The following MTUS1 variants were observed in gnomAD, a reference collection of about 807,000 sequenced individuals.
The protein encoded by MTUS1 is microtubule-associated tumor suppressor 1.
Under a neutral mutation model 120.8 loss-of-function variants are expected in MTUS1, and 109 were observed. That is an observed-to-expected ratio of 0.90 (90% CI 0.77 to 1.06). The LOEUF (loss-of-function observed/expected upper bound fraction) is 1.06. Ranked by LOEUF, MTUS1 falls within the 50% of genes least tolerant of loss-of-function variation. MTUS1 has a pLI of 0.00. For missense variants in MTUS1, 2,210 were observed against 1,486.3 expected (o/e 1.49, Z -8.01); for synonymous variants, 737 against 550.5 (o/e 1.34, Z -4.74).
intron 1 of MTUS1, among the ~76,000 whole-genome samples, chr8:17,789,495 G>C (rs928898195): frequency 6.6e-6 from 1 of 152,094 alleles, no homozygotes; most frequent in African/African-American, 2.4e-5. Context: ...ACATTTCCTT[G>C]TTTAGAAACT....
chr8:17,669,862 A>G (rs1477580462), intron 8 of MTUS1, among the ~76,000 whole-genome samples: 1 of 149,744 alleles, frequency 6.7e-6, no homozygotes, highest in East Asian at 2.0e-4. Context: ...CAAAAAAAAC[A>G]AAATGTCCAG....
chr8:17,747,440 C>A (rs1232929806), intron 2 of MTUS1, among the ~76,000 whole-genome samples: 1 of 152,156 alleles, frequency 6.6e-6, no homozygotes. Context: ...AATCAACATA[C>A]CCTTGCCTGT....
At chr8:17,733,793 T>C (rs2046752585) in intron 3 of MTUS1, among the ~76,000 whole-genome samples, 2 of 152,232 alleles carry the variant, frequency 1.3e-5, no homozygotes, top group Non-Finnish European at 2.9e-5. Context: ...TTCTATATTC[T>C]GAGCCATAAC....
chr8:17,706,532 A>G (rs1820197062), intron 6 of MTUS1, among the ~76,000 whole-genome samples: 1 of 152,260 alleles, frequency 6.6e-6, no homozygotes, highest in African/African-American at 2.4e-5. Flanking sequence ...TTTAAAAATA[A>G]TATCCAATGT....
At chr8:17,657,600 T>C (rs1808671198) in intron 8 of MTUS1, among the ~76,000 whole-genome samples, 2 of 149,840 alleles carry the variant, frequency 1.3e-5, no homozygotes, top group Non-Finnish European at 3.0e-5. Context: ...AGGAGAATCA[T>C]TTGCACCTAG....
At chr8:17,797,754 T>G (rs992525091) in intron 1 of MTUS1, among the ~76,000 whole-genome samples, 13 of 152,192 alleles carry the variant, frequency 8.5e-5, no homozygotes, top group African/African-American at 3.1e-4. Flanking sequence ...AATTTCATCC[T>G]TATGGCTCAA....
chr8:17,750,950 G>A (rs2048141693), intron 2 of MTUS1, among the ~76,000 whole-genome samples: 1 of 152,176 alleles, frequency 6.6e-6, no homozygotes, highest in Non-Finnish European at 1.5e-5. Context: ...AATGAGCTGT[G>A]AGGTTGCAGG....
At chr8:17,671,951 A>G (rs547376532) in intron 8 of MTUS1, among the ~76,000 whole-genome samples, 1 of 152,282 alleles carries the variant, frequency 6.6e-6, no homozygotes, top group Admixed American at 6.5e-5. Flanking sequence ...ACAATAACGC[A>G]GCAAAATACA....
chr8:17,677,524 A>T (rs1813372367), intron 7 of MTUS1, among the ~76,000 whole-genome samples: 1 of 152,228 alleles, frequency 6.6e-6, no homozygotes, highest in South Asian at 2.1e-4. Flanking sequence ...GTATAACTGC[A>T]AAGAAAAATT....
At chr8:17,696,654 T>A (rs1289148637) in intron 6 of MTUS1, among the ~76,000 whole-genome samples, 1 of 152,068 alleles carries the variant, frequency 6.6e-6, no homozygotes, top group East Asian at 1.9e-4. Context: ...GCACCGAAAA[T>A]AATAAGCAGA....
rs377509441 is a variant in MTUS1, at chr8:17,715,874, T to C, written c.2477A>G (p.Glu826Gly). Residue 826 changes from glutamate to glycine, a missense_variant, in exon 5 of 15, where the codon GAG (glutamate) becomes GGG (glycine). Coordinates refer to ENST00000693296, the MANE Select transcript of MTUS1 (RefSeq NM_001363059.2). ...NSGNAAVIKY[E>G]EKPPKPAFQN... ...AAATGCTGGTTTTGGAGGTTTCTCCTCATATTTGATGACAGCGGCATTACC... is the reference window on the plus strand; with the variant it reads ...AAATGCTGGTTTTGGAGGTTTCTCCCCATATTTGATGACAGCGGCATTACC... The C allele has an allele frequency of 4.3e-6, 7 of 1,613,498 alleles. No homozygotes were observed. The highest frequency in any genetic ancestry group is 5.1e-6 in the Non-Finnish European group (6 of 1,179,856).
At chr8:17,667,648 A>C (rs1424948709) in intron 8 of MTUS1, among the ~76,000 whole-genome samples, 1 of 152,222 alleles carries the variant, frequency 6.6e-6, no homozygotes, top group East Asian at 1.9e-4. Flanking sequence ...GTAGCTATCA[A>C]TGCAAACGAG....
intron 8 of MTUS1, among the ~76,000 whole-genome samples, chr8:17,658,018 T>TAGACACAC (rs1329886904): frequency 3.1e-5 from 2 of 63,644 alleles, no homozygotes; most frequent in African/African-American, 4.8e-5. Flanking sequence ...ATACACTATA[T>TAGACACAC]ATATAGACAC....
intron 8 of MTUS1, among the ~76,000 whole-genome samples, chr8:17,659,831 C>T (rs1232203165): frequency 2.6e-5 from 4 of 152,306 alleles, no homozygotes; most frequent in African/African-American, 4.8e-5. Context: ...TTCTCCAGAA[C>T]GTTTCCCCCC....
chr8:17,718,000 A>G (rs1045445416), intron 4 of MTUS1, among the ~76,000 whole-genome samples: 8 of 152,248 alleles, frequency 5.3e-5, no homozygotes, highest in African/African-American at 1.9e-4. Context: ...CATATACTCT[A>G]TGATCAACGA....
At chr8:17,721,063 T>C (rs2045800885) in intron 4 of MTUS1, among the ~76,000 whole-genome samples, 1 of 152,200 alleles carries the variant, frequency 6.6e-6, no homozygotes, top group Non-Finnish European at 1.5e-5. Context: ...AGCACTGTGT[T>C]ATATCAGAAG....
chr8:17,749,060 C>T (rs1222647889), intron 2 of MTUS1, among the ~76,000 whole-genome samples: 1 of 152,044 alleles, frequency 6.6e-6, no homozygotes, highest in Non-Finnish European at 1.5e-5. Flanking sequence ...AAGGGCATTC[C>T]AAGGTTAACC....
At chr8:17,717,030 A>G (rs529380403) in intron 4 of MTUS1, among the ~76,000 whole-genome samples, 1 of 152,354 alleles carries the variant, frequency 6.6e-6, no homozygotes, top group South Asian at 2.1e-4. Flanking sequence ...GAAGACAGCT[A>G]GAAATTTTTC....
At chr8:17,714,492 A>C (rs1445804811) in intron 5 of MTUS1, among the ~76,000 whole-genome samples, 1 of 152,148 alleles carries the variant, frequency 6.6e-6, no homozygotes, top group Non-Finnish European at 1.5e-5. Flanking sequence ...ATGAATCTTG[A>C]CTCACATTTG....
Sources: allele counts gnomAD v4.1 joint callset (sites outside exome capture counted in the v4.1 genomes callset), GRCh38; gene constraint gnomAD v4.1.1; transcripts MANE v1.5; gene names NCBI Gene and HGNC (gene_info 2026-07-23, HGNC 2026-07-21).